KCNIP1: variants seen among roughly 807,000 people sequenced by gnomAD.
KCNIP1 encodes the protein potassium voltage-gated channel interacting protein 1, also known as A-type potassium channel modulatory protein KCNIP1.
A neutral mutation model predicts 33.0 loss-of-function variants in KCNIP1; 18 were observed. That is an observed-to-expected ratio of 0.55 (90% confidence interval 0.38 to 0.81). KCNIP1 has a LOEUF of 0.81. Ranked by LOEUF, KCNIP1 falls within the 30% of genes least tolerant of loss-of-function variation. KCNIP1 has a pLI of 0.00. For missense variants in KCNIP1, 238 were observed against 271.6 expected (o/e 0.88, Z 0.87); for synonymous variants, 93 against 98.3 (o/e 0.95, Z 0.32).
At chr5:170,446,301 A>G (rs1756115184) in intron 1 of KCNIP1, among the ~76,000 whole-genome samples, 1 of 152,040 alleles carries the variant, frequency 6.6e-6, no homozygotes, top group Non-Finnish European at 1.5e-5. Flanking sequence ...GTTTGAAGGT[A>G]TTGGACTCTT....
chr5:170,608,659 C>A (rs561560241), intron 1 of KCNIP1, among the ~76,000 whole-genome samples: 1 of 151,776 alleles, frequency 6.6e-6, no homozygotes, highest in Admixed American at 6.6e-5. Context: ...GTAATCCCAG[C>A]GACTCGGGAG....
At chr5:170,465,057 A>T (rs1194592463) in intron 1 of KCNIP1, among the ~76,000 whole-genome samples, 1 of 152,138 alleles carries the variant, frequency 6.6e-6, no homozygotes, top group African/African-American at 2.4e-5. Flanking sequence ...TCAGTCTTTC[A>T]ACTTCCAAGC....
At chr5:170,523,948 C>T (rs1037680677) in intron 1 of KCNIP1, among the ~76,000 whole-genome samples, 2 of 152,174 alleles carry the variant, frequency 1.3e-5, no homozygotes, top group African/African-American at 4.8e-5. Flanking sequence ...GAAGCCAGGT[C>T]ATGTCAGTTC....
At chr5:170,658,740 A>G (rs1309527739) in intron 1 of KCNIP1, among the ~76,000 whole-genome samples, 1 of 152,166 alleles carries the variant, frequency 6.6e-6, no homozygotes, top group Non-Finnish European at 1.5e-5. Context: ...TTGGTGAGTG[A>G]GCAAGAGAAT....
intron 1 of KCNIP1, among the ~76,000 whole-genome samples, chr5:170,369,124 G>A (rs1390247086): frequency 6.6e-6 from 1 of 152,190 alleles, no homozygotes; most frequent in Non-Finnish European, 1.5e-5. Flanking sequence ...GTATTTAAGG[G>A]CATAAATTCT....
chr5:170,580,092 A>G (rs946530145), intron 1 of KCNIP1, among the ~76,000 whole-genome samples: 1 of 152,084 alleles, frequency 6.6e-6, no homozygotes, highest in Admixed American at 6.5e-5. Context: ...AAAAATGGCT[A>G]CTGGTCCCCT....
chr5:170,640,076 G>A lies in KCNIP1; in HGVS notation c.62-78682G>A, dbSNP rs185024240. 5.2e-3 allele frequency among the ~76,000 whole-genome samples: 785 copies of A among 152,344 alleles called. 8 individuals carry two copies. The highest frequency in any genetic ancestry group is 6.6e-3 in the South Asian group (32 of 4,832). On this transcript the variant is annotated intron_variant, in intron 1 of 7. Transcript: ENST00000328939. ...CCCATAGGTGACAACAGCCTGCTCT[G>A]TGAGAGTGGCAGTGGCTTCCAGAGA... is the stretch of plus-strand genomic sequence containing the variant.
At chr5:170,681,915 G>A (rs559188731) in intron 1 of KCNIP1, among the ~76,000 whole-genome samples, 96 of 152,234 alleles carry the variant, frequency 6.3e-4, no homozygotes, top group Middle Eastern at 3.4e-3. Flanking sequence ...TTAAAATTAG[G>A]CTCCAGGAAA....
chr5:170,720,327 C>T lies in KCNIP1; in HGVS notation c.193C>T (p.Pro65Ser), dbSNP rs915792606. The change falls in exon 3 of 8, where the codon CCC (proline) becomes TCC (serine). Residue 65 changes from proline (P) to serine (S), a missense_variant. Coordinates refer to ENST00000328939, the MANE Select transcript of KCNIP1 (RefSeq NM_014592.4). ...CTCTCTCCCCTTCCCACAGGAGTGC[C>T]CCAGTGGTGTGGTCAACGAAGACAC... ...VLYRGFKNEC[P>S]SGVVNEDTFK... is the part of the protein sequence containing the mutation. 7.4e-6 allele frequency: 12 copies of T among 1,613,218 alleles called. No individual in the cohort carries two copies. The highest frequency in any genetic ancestry group is 9.3e-6 in the Non-Finnish European group (11 of 1,179,228).
At chr5:170,586,335 T>C (rs1016697583) in intron 1 of KCNIP1, among the ~76,000 whole-genome samples, 2 of 152,070 alleles carry the variant, frequency 1.3e-5, no homozygotes, top group Non-Finnish European at 2.9e-5. Context: ...AGGATTAAGG[T>C]GTTGTGATTG....
At chr5:170,638,290 C>T (rs1050456011) in intron 1 of KCNIP1, among the ~76,000 whole-genome samples, 15 of 152,218 alleles carry the variant, frequency 9.9e-5, no homozygotes, top group Admixed American at 3.9e-4. Flanking sequence ...TGCCTTTGCT[C>T]GGTGGTCTTC....
chr5:170,394,406 G>T (rs1224764835), intron 1 of KCNIP1, among the ~76,000 whole-genome samples: 1 of 152,104 alleles, frequency 6.6e-6, no homozygotes, highest in African/African-American at 2.4e-5. Context: ...ATTCACTGCC[G>T]CATCTCTAGC....
intron 1 of KCNIP1, among the ~76,000 whole-genome samples, chr5:170,442,323 G>A (rs1457476053): frequency 3.3e-5 from 5 of 152,170 alleles, no homozygotes; most frequent in Admixed American, 2.0e-4. Context: ...ATCCTCAGGG[G>A]CCCAGTGGCC....
intron 1 of KCNIP1, among the ~76,000 whole-genome samples, chr5:170,434,682 C>A (rs370573647): frequency 6.6e-6 from 1 of 152,244 alleles, no homozygotes; most frequent in Non-Finnish European, 1.5e-5. Context: ...GGGCCTGGTG[C>A]GCTGGCTCAT....
At chr5:170,542,246 A>G (rs1456931677) in intron 1 of KCNIP1, among the ~76,000 whole-genome samples, 2 of 152,228 alleles carry the variant, frequency 1.3e-5, no homozygotes, top group East Asian at 3.8e-4. Context: ...TGGATTGGAA[A>G]GTGTAGCATC....
At chr5:170,450,765 C>G (rs565250927) in intron 1 of KCNIP1, among the ~76,000 whole-genome samples, 2 of 152,290 alleles carry the variant, frequency 1.3e-5, no homozygotes, top group East Asian at 3.9e-4. Flanking sequence ...AATGTCTCCC[C>G]TGGCCACGCA....
intron 1 of KCNIP1, among the ~76,000 whole-genome samples, chr5:170,507,275 T>C (rs571786346): frequency 6.6e-6 from 1 of 152,352 alleles, no homozygotes; most frequent in South Asian, 2.1e-4. Flanking sequence ...GACTAAGCCT[T>C]GTTTTCCTCA....
intron 1 of KCNIP1, among the ~76,000 whole-genome samples, chr5:170,531,180 C>A (rs1755774804): frequency 1.3e-5 from 2 of 152,106 alleles, no homozygotes; most frequent in African/African-American, 2.4e-5. Flanking sequence ...GATGTGGCAG[C>A]AAACAGGTAT....
intron 1 of KCNIP1, among the ~76,000 whole-genome samples, chr5:170,454,889 A>T (rs1438187168): frequency 3.3e-5 from 5 of 152,212 alleles, no homozygotes; most frequent in African/African-American, 1.2e-4. Flanking sequence ...ATTGTTCTTA[A>T]AAAAAGAAGA....
Sources: allele counts gnomAD v4.1 joint callset (sites outside exome capture counted in the v4.1 genomes callset), GRCh38; gene constraint gnomAD v4.1.1; transcripts MANE v1.5; gene names NCBI Gene and HGNC (gene_info 2026-07-23, HGNC 2026-07-21).